WDR7: variants seen among roughly 807,000 people sequenced by gnomAD.
WDR7 encodes WD repeat-containing protein 7.
WDR7 carries 46 observed loss-of-function variants against 169.4 expected under a neutral mutation model. The observed-to-expected ratio is 0.27, with a 90% CI of 0.21 to 0.35. The LOEUF is 0.35. Ranked by LOEUF, WDR7 falls within the 10% of genes least tolerant of loss-of-function variation. WDR7 has a pLI of 1.00. For missense variants in WDR7, 1,534 were observed against 1,859.3 expected, an observed-to-expected ratio of 0.83 and a Z score of 3.22; for synonymous variants, 612 against 666.8, an observed-to-expected ratio of 0.92 and a Z score of 1.27.
chr18:56,808,986 A>G (rs2044823279), intron 19 of WDR7, among the ~76,000 whole-genome samples: 1 of 151,968 alleles, frequency 6.6e-6, no homozygotes. Flanking sequence ...TTGTCCTCTA[A>G]TTCTCACTTC....
intron 27 of WDR7, among the ~76,000 whole-genome samples, chr18:57,025,260 T>C (rs1279490817): frequency 1.3e-5 from 2 of 152,348 alleles, no homozygotes; most frequent in South Asian, 2.1e-4. Flanking sequence ...CTTGTAGTTA[T>C]TTATCAACTG....
At chr18:56,998,200 A>T (rs1037985226) in intron 26 of WDR7, among the ~76,000 whole-genome samples, 1 of 152,092 alleles carries the variant, frequency 6.6e-6, no homozygotes, top group Non-Finnish European at 1.5e-5. Flanking sequence ...GGTATCCGTA[A>T]TTTTTGTGCC....
intron 26 of WDR7, among the ~76,000 whole-genome samples, chr18:56,978,242 C>T (rs567445790): frequency 6.6e-6 from 1 of 152,114 alleles, no homozygotes; most frequent in African/African-American, 2.4e-5. Context: ...TGCTTGTATA[C>T]CCATTTACTA....
intron 16 of WDR7, among the ~76,000 whole-genome samples, chr18:56,760,501 G>C (rs540094689): frequency 1.5e-4 from 23 of 152,200 alleles, no homozygotes; most frequent in African/African-American, 5.5e-4. Context: ...TGTTGCATTT[G>C]ACCATAGTTT....
rs1289156383 is a variant in WDR7, at chr18:57,029,751, T to C, written c.*2544T>C. 6.6e-6 allele frequency: 1 copy of C among 152,238 alleles called. No homozygotes were observed. Among genetic ancestry groups the C allele is most frequent in the Admixed American group, 6.5e-5 (1 of 15,288 alleles). 9.4% of individuals were successfully genotyped at this position (152,238 alleles called of 1,614,324 possible). ...AATAGACTCTATGTGTGCTGAATGT[T>C]CCTGTGTACATATGTGTGTTAAATA... is the stretch of plus-strand genomic sequence containing the variant. On this transcript the variant is annotated 3_prime_UTR_variant, in exon 28 of 28. Transcript: ENST00000254442.
chr18:56,768,486 A>G (rs2044102285), intron 16 of WDR7, among the ~76,000 whole-genome samples: 1 of 151,900 alleles, frequency 6.6e-6, no homozygotes. Context: ...TCTCCTAACA[A>G]CTCTTGTTAG....
intron 4 of WDR7, among the ~76,000 whole-genome samples, chr18:56,681,618 G>C (rs2025351963): frequency 1.3e-5 from 2 of 152,206 alleles, no homozygotes; most frequent in Admixed American, 1.3e-4. Flanking sequence ...CAAGCAAATT[G>C]CTGCTGCTTC....
intron 27 of WDR7, 79 bp from the exon 28 acceptor site, chr18:57,026,925 G>C (rs1163546187): frequency 6.9e-7 from 1 of 1,450,392 alleles, no homozygotes; most frequent in Non-Finnish European, 9.5e-7. Context: ...AAAGTAGCCA[G>C]GAGAGATCGA....
In WDR7 at chr18:56,796,541, A is replaced by G. The variant is rs145658222; in HGVS notation, c.3190+14885A>G. Among the ~76,000 whole-genome samples, 361 of 152,284 alleles carry G rather than the reference A, an allele frequency of 2.4e-3. 1 individual carries two copies. The highest frequency in any genetic ancestry group is 8.2e-3 in the African/African-American group (341 of 41,570). On this transcript the variant is annotated intron_variant, in intron 19 of 27. Coordinates refer to ENST00000254442, the MANE Select transcript of WDR7 (RefSeq NM_015285.3). Reference sequence around the variant, plus strand: ...ATAACTGTGGTGAGATTTTACTTGAAATATGCTAATGTTTCTAAAAGTTAA... The same window carrying G: ...ATAACTGTGGTGAGATTTTACTTGAGATATGCTAATGTTTCTAAAAGTTAA...
In WDR7 at chr18:57,002,034, T is replaced by C. The variant is rs563986576; in HGVS notation, c.4165-18711T>C. On this transcript the variant is annotated intron_variant, in intron 26 of 27. Coordinates refer to ENST00000254442, the MANE Select transcript of WDR7 (RefSeq NM_015285.3). The stretch of plus-strand genomic sequence containing the variant: ...AGTCATTACTTTTGGAGTTTATTTC[T>C]AAACCTTATTATTGTTTGTTCAGGT... Among the ~76,000 whole-genome samples, 51 of 152,300 alleles carry C rather than the reference T, an allele frequency of 3.3e-4. 1 individual carries two copies. The highest frequency in any genetic ancestry group is 1.2e-3 in the African/African-American group (49 of 41,578).
intron 21 of WDR7, among the ~76,000 whole-genome samples, chr18:56,895,282 AATC>A (rs1451074707): frequency 1.3e-5 from 2 of 152,020 alleles, no homozygotes; most frequent in East Asian, 1.9e-4. Context: ...AAATGTAAAA[AATC>A]ATCATTTTTT....
intron 20 of WDR7, among the ~76,000 whole-genome samples, chr18:56,848,149 G>A (rs532099571): frequency 3.1e-4 from 47 of 152,218 alleles, no homozygotes; most frequent in African/African-American, 1.1e-3. Context: ...TGGGCCTTGC[G>A]AGCCTACCCC....
At chr18:57,002,548 A>G (rs1487787555) in intron 26 of WDR7, among the ~76,000 whole-genome samples, 1 of 152,212 alleles carries the variant, frequency 6.6e-6, no homozygotes, top group East Asian at 1.9e-4. Flanking sequence ...AATAGATTGA[A>G]GAGGATATAA....
At chr18:56,724,206 G>T (rs1271695103) in intron 13 of WDR7, among the ~76,000 whole-genome samples, 1 of 94,848 alleles carries the variant, frequency 1.1e-5, no homozygotes, top group South Asian at 3.8e-4. Context: ...GACATGCCTG[G>T]TAATTTTTTT....
intron 21 of WDR7, among the ~76,000 whole-genome samples, chr18:56,919,115 T>C (rs962307474): frequency 1.3e-5 from 2 of 152,236 alleles, no homozygotes; most frequent in Non-Finnish European, 2.9e-5. Flanking sequence ...GGTAGCTACC[T>C]ACCCCATTCA....
At chr18:56,848,853 C>T (rs994619209) in intron 20 of WDR7, among the ~76,000 whole-genome samples, 35 of 152,168 alleles carry the variant, frequency 2.3e-4, no homozygotes, top group African/African-American at 8.2e-4. Flanking sequence ...TGGCACCATA[C>T]TTCCTGTACA....
intron 26 of WDR7, among the ~76,000 whole-genome samples, chr18:56,995,458 C>T (rs1208849274): frequency 2.0e-5 from 3 of 152,122 alleles, no homozygotes; most frequent in Admixed American, 2.0e-4. Flanking sequence ...TCTACATGTA[C>T]TAAGAAGTAT....
chr18:56,936,434 G>A (rs2046961752), intron 23 of WDR7, among the ~76,000 whole-genome samples: 1 of 152,132 alleles, frequency 6.6e-6, no homozygotes, highest in Non-Finnish European at 1.5e-5. Context: ...AGAACAATGA[G>A]CCAATTATAG....
intron 17 of WDR7, among the ~76,000 whole-genome samples, chr18:56,778,728 G>A (rs1438634805): frequency 1.3e-5 from 2 of 152,132 alleles, no homozygotes; most frequent in Non-Finnish European, 2.9e-5. Flanking sequence ...TTGTGAATTA[G>A]AATTTTAGAA....
Sources: allele counts gnomAD v4.1 joint callset (sites outside exome capture counted in the v4.1 genomes callset), GRCh38; gene constraint gnomAD v4.1.1; transcripts MANE v1.5; gene names NCBI Gene and HGNC (gene_info 2026-07-23, HGNC 2026-07-21).